The following GRM7 variants were observed in gnomAD, a reference collection of about 807,000 sequenced individuals.
GRM7 encodes metabotropic glutamate receptor 7.
Under a neutral mutation model 84.5 loss-of-function variants are expected in GRM7, and 35 were observed. That is an observed-to-expected ratio of 0.41 (90% CI 0.32 to 0.55). The LOEUF is 0.55. Among genes scored for constraint, GRM7 ranks in the 20% least tolerant of loss-of-function variants. GRM7 has a pLI of 0.19. For missense variants in GRM7, 1,003 were observed against 1,194.6 expected, an observed-to-expected ratio of 0.84 and a Z score of 2.36; for synonymous variants, 487 against 455.1, an observed-to-expected ratio of 1.07 and a Z score of -0.89.
rs1176242333 is a variant in GRM7 at position 7,429,060 on chromosome 3, G to A, written c.1174+13897G>A. 2.0e-5 allele frequency among the ~76,000 whole-genome samples: 3 copies of A among 152,140 alleles called. No homozygotes were observed. In the East Asian group the frequency reaches 5.8e-4, roughly 29 times the overall value. ...TGGAGTAGTAAAGAACAAAGACTTG[G>A]AAACTAAGTTGCCTTAAATCAATTT... On this transcript the variant is annotated intron_variant, in intron 5 of 9. Transcript: ENST00000357716.
In GRM7 at chr3:7,680,456, A is replaced by T. The variant is rs930654630; in HGVS notation, c.2698+161A>T. On this transcript the variant is annotated intron_variant, in intron 9 of 9. Coordinates refer to ENST00000357716, the MANE Select transcript of GRM7 (RefSeq NM_000844.4). ...GCTTCTGCTCTTTTGAGTTTGACTC[A>T]TTCCTGCCACCATTTTCTTTTTGTT... The T allele has an allele frequency of 3.0e-5, 20 of 661,496 alleles. No individual in the cohort carries two copies. In the East Asian group the frequency reaches 4.6e-4, roughly 15 times the overall value. 41.0% of individuals were successfully genotyped at this position (661,496 alleles called of 1,614,324 possible). A position where few individuals can be genotyped will look rare whatever the true frequency, so the allele number is the denominator to read the frequency against.
intron 9 of GRM7, among the ~76,000 whole-genome samples, chr3:7,701,298 A>ATTTTTT (rs35986412): frequency 8.3e-6 from 1 of 120,482 alleles, no homozygotes. Flanking sequence ...CTGTGGTTGC[A>ATTTTTT]TTTTTTTTTT....
At chr3:7,529,818 C>T (rs543603724) in intron 7 of GRM7, among the ~76,000 whole-genome samples, 1 of 152,048 alleles carries the variant, frequency 6.6e-6, no homozygotes, top group Admixed American at 6.6e-5. Flanking sequence ...AAAATTATGG[C>T]CATTCTCAAA....
intron 4 of GRM7, among the ~76,000 whole-genome samples, chr3:7,336,835 C>T (rs940341012): frequency 1.3e-5 from 2 of 151,340 alleles, no homozygotes; most frequent in African/African-American, 4.9e-5. Flanking sequence ...TATGCCTAAC[C>T]AAGGAGGCGA....
At chr3:7,138,266 A>G (rs1048251465) in intron 1 of GRM7, among the ~76,000 whole-genome samples, 7 of 152,038 alleles carry the variant, frequency 4.6e-5, no homozygotes, top group Non-Finnish European at 8.8e-5. Flanking sequence ...CAAATATATA[A>G]TCATAAACTG....
intron 7 of GRM7, among the ~76,000 whole-genome samples, chr3:7,466,194 A>C (rs1698453330): frequency 6.6e-6 from 1 of 152,182 alleles, no homozygotes; most frequent in African/African-American, 2.4e-5. Context: ...GAGAGGTGAT[A>C]GCTCATGGAG....
intron 4 of GRM7, among the ~76,000 whole-genome samples, chr3:7,413,009 T>C (rs1472535089): frequency 2.0e-5 from 3 of 150,962 alleles, no homozygotes; most frequent in Non-Finnish European, 4.4e-5. Context: ...CACACACACA[T>C]AATTATATTA....
chr3:7,237,768 G>A (rs761209058), intron 2 of GRM7, among the ~76,000 whole-genome samples: 1 of 152,158 alleles, frequency 6.6e-6, no homozygotes, highest in Non-Finnish European at 1.5e-5. Context: ...GGCTCCAGTG[G>A]CCAGCTTTTA....
intron 7 of GRM7, among the ~76,000 whole-genome samples, chr3:7,537,211 CTCT>C (rs993885677): frequency 2.6e-5 from 4 of 152,148 alleles, no homozygotes; most frequent in East Asian, 1.9e-4. Flanking sequence ...TTTTGGCCCA[CTCT>C]TCTTCTTCAC....
chr3:7,275,477 G>A (rs541054342), intron 2 of GRM7, among the ~76,000 whole-genome samples: 3 of 152,154 alleles, frequency 2.0e-5, no homozygotes, highest in African/African-American at 7.2e-5. Context: ...CAGTTTTTCA[G>A]GAAGCCTGTG....
At chr3:6,974,357 G>A (rs553540165) in intron 1 of GRM7, among the ~76,000 whole-genome samples, 1 of 152,120 alleles carries the variant, frequency 6.6e-6, no homozygotes, top group African/African-American at 2.4e-5. Context: ...AAGGGTTCTG[G>A]GGGTCCAATT....
chr3:6,927,483 A>AAGAT (rs1491406411), intron 1 of GRM7, among the ~76,000 whole-genome samples: 13 of 105,192 alleles, frequency 1.2e-4, no homozygotes, highest in South Asian at 5.5e-4. Flanking sequence ...GAAAGAAAGA[A>AAGAT]AGAAAGAAAG....
chr3:7,433,195 G>C (rs1402599361), intron 5 of GRM7, among the ~76,000 whole-genome samples: 1 of 152,186 alleles, frequency 6.6e-6, no homozygotes, highest in Non-Finnish European at 1.5e-5. Flanking sequence ...TATGTAGCCT[G>C]GTTCAAACAT....
intron 2 of GRM7, among the ~76,000 whole-genome samples, chr3:7,171,106 A>G (rs760589482): frequency 2.0e-5 from 3 of 152,138 alleles, no homozygotes; most frequent in Non-Finnish European, 4.4e-5. Flanking sequence ...AGAAACAGAA[A>G]TTTATGGACT....
intron 8 of GRM7, among the ~76,000 whole-genome samples, chr3:7,617,479 A>G (rs755017811): frequency 2.0e-5 from 3 of 152,106 alleles, no homozygotes; most frequent in Admixed American, 6.6e-5. Context: ...TAAATATAAC[A>G]CAAATTTGGA....
rs746190751 is a variant in GRM7, at chr3:7,218,885, G to T, written c.736+72217G>T. ...CATTTTTCTTTCAATAGCTTTTGGG[G>T]TACAAGTAGTTTGTGATTACATGGC... On this transcript the variant is annotated intron_variant, in intron 2 of 9. Transcript: ENST00000357716. 2.0e-5 allele frequency among the ~76,000 whole-genome samples: 3 copies of T among 151,908 alleles called. No homozygotes were observed. The South Asian group carries it at 6.2e-4, about 32-fold the overall frequency.
chr3:7,644,874 G>A (rs996235434), intron 8 of GRM7, among the ~76,000 whole-genome samples: 3 of 152,030 alleles, frequency 2.0e-5, no homozygotes, highest in African/African-American at 7.2e-5. Context: ...TCCAGGTCAG[G>A]ACCAGAGCAT....
At chr3:6,936,795 T>G (rs990743612) in intron 1 of GRM7, among the ~76,000 whole-genome samples, 3 of 152,236 alleles carry the variant, frequency 2.0e-5, no homozygotes, top group African/African-American at 7.2e-5. Context: ...TACTTCATCA[T>G]TTGTTCCATC....
intron 5 of GRM7, among the ~76,000 whole-genome samples, chr3:7,415,408 G>T (rs190319378): frequency 2.1e-4 from 32 of 152,176 alleles, no homozygotes; most frequent in Middle Eastern, 3.4e-3. Context: ...GAATTCAGAA[G>T]GGGTCATGTT....
Sources: allele counts gnomAD v4.1 joint callset (sites outside exome capture counted in the v4.1 genomes callset), GRCh38; gene constraint gnomAD v4.1.1; transcripts MANE v1.5; gene names NCBI Gene and HGNC (gene_info 2026-07-23, HGNC 2026-07-21).